Variants in RABGAP1L observed in about 807,000 individuals in gnomAD.
RABGAP1L encodes RAB GTPase activating protein 1 like, also known as rab GTPase-activating protein 1-like.
Under a neutral mutation model 137.7 loss-of-function variants are expected in RABGAP1L, and 63 were observed. The ratio of observed to expected loss-of-function variants is 0.46; its 90% CI spans 0.37 to 0.56. RABGAP1L has a LOEUF of 0.56. Ranked by LOEUF, RABGAP1L falls within the 20% of genes least tolerant of loss-of-function variation. RABGAP1L has a pLI of 0.00. For missense variants in RABGAP1L, 1,095 were observed against 1,244.0 expected, an observed-to-expected ratio of 0.88 and a Z score of 1.80; for synonymous variants, 431 against 433.7, an observed-to-expected ratio of 0.99 and a Z score of 0.08.
At chr1:174,562,930 C>T (rs924300360) in intron 13 of RABGAP1L, among the ~76,000 whole-genome samples, 2 of 152,090 alleles carry the variant, frequency 1.3e-5, no homozygotes, top group African/African-American at 2.4e-5. Context: ...GTGCAGCAAA[C>T]CACTATGGCA....
intron 13 of RABGAP1L, among the ~76,000 whole-genome samples, chr1:174,541,406 A>G (rs1042111232): frequency 2.0e-5 from 3 of 152,172 alleles, no homozygotes; most frequent in Non-Finnish European, 2.9e-5. Context: ...TGGCCCATTC[A>G]GTATGATATT....
intron 20 of RABGAP1L, among the ~76,000 whole-genome samples, chr1:174,966,934 T>C (rs192700318): frequency 1.3e-5 from 2 of 152,290 alleles, no homozygotes; most frequent in East Asian, 3.9e-4. Context: ...CTGAATTCCT[T>C]TTTTTCTTAA....
At position 174,923,705 on chromosome 1, in the gene RABGAP1L, A is replaced by T. The variant is rs145572727; in HGVS notation, c.2341-33752A>T. 1.3e-3 allele frequency among the ~76,000 whole-genome samples: 194 copies of T among 151,866 alleles called. 1 individual carries two copies. Among genetic ancestry groups the T allele is most frequent in the African/African-American group, 4.6e-3 (192 of 41,408 alleles). ...GAGACAGCCTGGCCAACATGTTGAAACCCCATCTCTACTAAAAATACAAAA... is the reference window on the plus strand; with the variant it reads ...GAGACAGCCTGGCCAACATGTTGAATCCCCATCTCTACTAAAAATACAAAA... On this transcript the variant is annotated intron_variant, in intron 19 of 25. Coordinates refer to ENST00000681986, the MANE Select transcript of RABGAP1L (RefSeq NM_001366446.1).
intron 3 of RABGAP1L, among the ~76,000 whole-genome samples, chr1:174,230,084 C>T (rs1258086184): frequency 6.6e-6 from 1 of 152,118 alleles, no homozygotes; most frequent in Non-Finnish European, 1.5e-5. Flanking sequence ...ATGATGAGTT[C>T]ATGTCCTTTG....
intron 13 of RABGAP1L, among the ~76,000 whole-genome samples, chr1:174,624,974 C>T (rs558922818): frequency 2.0e-5 from 3 of 151,156 alleles, no homozygotes; most frequent in South Asian, 2.1e-4. Context: ...TGAGTTCAAG[C>T]GATTCTCCTG....
In RABGAP1L at chr1:174,961,429, G is replaced by C. The variant is rs141314981; in HGVS notation, c.2433+3880G>C. On this transcript the variant is annotated intron_variant, in intron 20 of 25. Transcript: ENST00000681986. ...TTTCTGTTGTGAGGAAAGTTTTCTA[G>C]TGATGGTATCAGTTGCTGGTACTTT... is the stretch of plus-strand genomic sequence containing the variant. Among the ~76,000 whole-genome samples, 31 of 152,328 alleles carry C rather than the reference G, an allele frequency of 2.0e-4. No homozygotes were observed. The East Asian group carries it at 5.8e-3, about 28-fold the overall frequency.
chr1:174,551,366 G>T (rs1666536210), intron 13 of RABGAP1L, among the ~76,000 whole-genome samples: 1 of 151,994 alleles, frequency 6.6e-6, no homozygotes. Context: ...GACCACAGTA[G>T]ATTCAAAGTA....
At chr1:174,694,468 C>T (rs568230259) in intron 15 of RABGAP1L, among the ~76,000 whole-genome samples, 29 of 150,984 alleles carry the variant, frequency 1.9e-4, no homozygotes, top group South Asian at 1.5e-3. Context: ...TTTGTTCTTG[C>T]GATAGTTTAC....
chr1:174,322,016 ATTTC>A (rs1331082742), intron 11 of RABGAP1L, among the ~76,000 whole-genome samples: 2 of 152,038 alleles, frequency 1.3e-5, no homozygotes, highest in Non-Finnish European at 1.5e-5. Context: ...TTTTGCACAT[ATTTC>A]TTTCATTCTG....
Position 174,907,653 on chromosome 1 carries a change from A to C in RABGAP1L, c.2341-49804A>C, listed in dbSNP as rs528976790. The stretch of plus-strand genomic sequence containing the variant: ...CTTTTAAAAATAATTTGTTATATCT[A>C]TAAGATGCTTTTTTTTCTCATGATA... On this transcript the variant is annotated intron_variant, in intron 19 of 25. Coordinates refer to ENST00000681986, the MANE Select transcript of RABGAP1L (RefSeq NM_001366446.1). Among the ~76,000 whole-genome samples the C allele has an allele frequency of 8.5e-4, 129 of 152,258 alleles. 4 individuals are homozygous for C. The highest frequency in any genetic ancestry group is 8.2e-4 in the Non-Finnish European group (56 of 68,030).
At chr1:174,391,652 T>A (rs185252166) in intron 12 of RABGAP1L, among the ~76,000 whole-genome samples, 78 of 152,310 alleles carry the variant, frequency 5.1e-4, no homozygotes, top group African/African-American at 1.7e-3. Flanking sequence ...AAGAAAGGAT[T>A]CTTTCACATG....
At chr1:174,187,459 A>G (rs1194584823) in intron 1 of RABGAP1L, among the ~76,000 whole-genome samples, 1 of 152,082 alleles carries the variant, frequency 6.6e-6, no homozygotes, top group East Asian at 1.9e-4. Flanking sequence ...TTTATTATTT[A>G]TATATAAAGT....
chr1:174,197,733 G>A (rs1349443744), intron 1 of RABGAP1L, among the ~76,000 whole-genome samples: 1 of 151,966 alleles, frequency 6.6e-6, no homozygotes, highest in East Asian at 1.9e-4. Context: ...TCAAGAGGCG[G>A]AGGTTGCAGG....
chr1:174,876,800 G>T (rs1217880939), intron 19 of RABGAP1L, among the ~76,000 whole-genome samples: 1 of 152,084 alleles, frequency 6.6e-6, no homozygotes, highest in Non-Finnish European at 1.5e-5. Context: ...AGTAGGAAAA[G>T]GGAGTAATGA....
intron 14 of RABGAP1L, among the ~76,000 whole-genome samples, chr1:174,662,722 C>T (rs934608028): frequency 2.6e-5 from 4 of 152,166 alleles, no homozygotes; most frequent in African/African-American, 9.7e-5. Context: ...CTGGAGATAA[C>T]ATCTCCATGC....
chr1:174,767,956 G>A (rs973595106), intron 18 of RABGAP1L, among the ~76,000 whole-genome samples: 5 of 152,104 alleles, frequency 3.3e-5, no homozygotes, highest in Admixed American at 2.6e-4. Context: ...ATCAGATTTC[G>A]TGAGACTTAT....
intron 13 of RABGAP1L, among the ~76,000 whole-genome samples, chr1:174,601,814 T>TA (rs879757111): frequency 1.9e-4 from 23 of 123,242 alleles, no homozygotes; most frequent in Non-Finnish European, 2.5e-4. Flanking sequence ...TTCTGCTAGA[T>TA]ACCCTAAATC....
rs139504712 is a variant in RABGAP1L, at chr1:174,952,370, G to T, written c.2341-5087G>T. 6.0e-3 allele frequency among the ~76,000 whole-genome samples: 852 copies of T among 141,332 alleles called. 11 individuals are homozygous for T. Among genetic ancestry groups the T allele is most frequent in the African/African-American group, 0.022 (824 of 38,042 alleles). 92.7% of individuals were successfully genotyped at this position (141,332 alleles called of 152,430 possible). On this transcript the variant is annotated intron_variant, in intron 19 of 25. Transcript: ENST00000681986. ...AAAAAAAAAAAAAAAAAAAAGCTAG[G>T]CATGGTGGTGTGCCCCTATAGTCCC...
intron 14 of RABGAP1L, among the ~76,000 whole-genome samples, chr1:174,662,649 C>T (rs1486161499): frequency 6.6e-6 from 1 of 152,194 alleles, no homozygotes; most frequent in African/African-American, 2.4e-5. Context: ...CTGCCTTGGC[C>T]TCCCAAAGTG....
Sources: allele counts gnomAD v4.1 joint callset (sites outside exome capture counted in the v4.1 genomes callset), GRCh38; gene constraint gnomAD v4.1.1; transcripts MANE v1.5; gene names NCBI Gene and HGNC (gene_info 2026-07-23, HGNC 2026-07-21).